Variants in HMBOX1 observed in about 807,000 individuals in gnomAD.
The protein encoded by HMBOX1 is homeobox-containing protein 1.
Under a neutral mutation model 54.5 loss-of-function variants are expected in HMBOX1, and 14 were observed. That is an observed-to-expected ratio of 0.26 (90% CI 0.17 to 0.40). HMBOX1 has a LOEUF of 0.40. HMBOX1 is among the 10% of genes least tolerant of loss of function. The pLI, the probability that HMBOX1 is intolerant of heterozygous loss-of-function variation, is 1.00. For synonymous variants in HMBOX1, 160 were observed against 181.0 expected (o/e 0.88, Z 0.93); for missense variants, 332 against 514.4 (o/e 0.65, Z 3.43).
chr8:28,914,943 A>G (rs1242671749), intron 1 of HMBOX1, among the ~76,000 whole-genome samples: 1 of 152,266 alleles, frequency 6.6e-6, no homozygotes, highest in East Asian at 1.9e-4. Flanking sequence ...CTATAGAAGT[A>G]CTTCTGGATT....
At chr8:28,908,275 G>A (rs1261285308) in intron 1 of HMBOX1, among the ~76,000 whole-genome samples, 2 of 152,026 alleles carry the variant, frequency 1.3e-5, no homozygotes, top group African/African-American at 4.8e-5. Context: ...TTGTTTTATA[G>A]GACCTTTCCT....
intron 5 of HMBOX1, among the ~76,000 whole-genome samples, chr8:29,015,558 A>C (rs745875566): frequency 6.6e-6 from 1 of 152,204 alleles, no homozygotes; most frequent in Non-Finnish European, 1.5e-5. Context: ...TTTTCAGAAA[A>C]GCACTATAAG....
At chr8:28,904,456 C>G (rs1161250322) in intron 1 of HMBOX1, among the ~76,000 whole-genome samples, 2 of 152,136 alleles carry the variant, frequency 1.3e-5, no homozygotes, top group African/African-American at 4.8e-5. Context: ...TGGTCTCCAT[C>G]TCTTGACCTT....
intron 3 of HMBOX1, among the ~76,000 whole-genome samples, chr8:28,976,949 T>TC (rs1381546357): frequency 6.6e-6 from 1 of 152,110 alleles, no homozygotes; most frequent in Non-Finnish European, 1.5e-5. Context: ...CCTCAAGTGA[T>TC]CCGCCCGCCT....
intron 6 of HMBOX1, among the ~76,000 whole-genome samples, chr8:29,019,530 T>C (rs1308810712): frequency 1.3e-5 from 2 of 152,198 alleles, no homozygotes; most frequent in African/African-American, 2.4e-5. Flanking sequence ...AGAATTATCT[T>C]TTTAGTCATC....
chr8:28,969,645 C>T (rs1827056350), intron 2 of HMBOX1, among the ~76,000 whole-genome samples: 1 of 151,882 alleles, frequency 6.6e-6, no homozygotes, highest in Admixed American at 6.6e-5. Context: ...AGTAATTTTC[C>T]ATTAATACTC....
At chr8:28,906,248 CCTT>C (rs1563361288) in intron 1 of HMBOX1, among the ~76,000 whole-genome samples, 1 of 152,094 alleles carries the variant, frequency 6.6e-6, no homozygotes, top group African/African-American at 2.4e-5. Flanking sequence ...AAATGTTAGC[CCTT>C]CTTTCCTGCA....
At chr8:28,945,064 TTATTTTTGTTACAAATAC>T (rs1822177190) in intron 1 of HMBOX1, among the ~76,000 whole-genome samples, 1 of 152,212 alleles carries the variant, frequency 6.6e-6, no homozygotes, top group South Asian at 2.1e-4. Flanking sequence ...TCCAATGTTG[TTATTTTTGTTACAAATAC>T]TATTTTGTGT....
At chr8:28,945,975 C>T (rs553732867) in intron 1 of HMBOX1, among the ~76,000 whole-genome samples, 26 of 139,592 alleles carry the variant, frequency 1.9e-4, no homozygotes, top group Admixed American at 9.7e-4. Flanking sequence ...TTTATTGAGA[C>T]GGAGTCTTGC....
chr8:28,955,443 G>A (rs1824247569), intron 1 of HMBOX1, among the ~76,000 whole-genome samples: 2 of 152,060 alleles, frequency 1.3e-5, no homozygotes, highest in African/African-American at 4.8e-5. Flanking sequence ...CACATATAAA[G>A]GGATATTTTG....
At chr8:28,924,649 C>T (rs1267859977) in intron 1 of HMBOX1, 1 of 151,916 alleles carries the variant, frequency 6.6e-6, no homozygotes, top group Non-Finnish European at 1.5e-5. Flanking sequence ...GAGTTTCGCT[C>T]TTGTCCATGC....
intron 1 of HMBOX1, among the ~76,000 whole-genome samples, chr8:28,906,617 T>C (rs1383491289): frequency 6.6e-6 from 1 of 152,080 alleles, no homozygotes; most frequent in East Asian, 1.9e-4. Flanking sequence ...TGAGACAGAG[T>C]CTCACTCTGT....
In HMBOX1 at chr8:28,899,730, T is replaced by A. The variant is rs192762086; in HGVS notation, c.-58+9052T>A. On this transcript the variant is annotated intron_variant, in intron 1 of 9. Coordinates refer to ENST00000287701, the MANE Select transcript of HMBOX1 (RefSeq NM_001135726.3). Reference sequence around the variant, plus strand: ...TTTATATGGACTTCAGAGCTAAAATTTCCATATCCAAGTCTTTATTATATT... The same window carrying A: ...TTTATATGGACTTCAGAGCTAAAATATCCATATCCAAGTCTTTATTATATT... Among the ~76,000 whole-genome samples the A allele has an allele frequency of 3.2e-3, 491 of 152,270 alleles. 3 individuals carry two copies. The highest frequency in any genetic ancestry group is 0.011 in the African/African-American group (466 of 41,538).
At chr8:28,920,904 C>G (rs1817446895) in intron 1 of HMBOX1, among the ~76,000 whole-genome samples, 2 of 152,122 alleles carry the variant, frequency 1.3e-5, no homozygotes, top group Admixed American at 1.3e-4. Flanking sequence ...ATAACATACT[C>G]TAACATAAAC....
chr8:28,955,943 A>T (rs1465352541), intron 1 of HMBOX1: 1 of 118,000 alleles, frequency 8.5e-6, no homozygotes. Flanking sequence ...ACAGAGTGAG[A>T]CTCTGTCTAG....
intron 5 of HMBOX1, among the ~76,000 whole-genome samples, chr8:29,012,357 A>G (rs1419646706): frequency 6.6e-6 from 1 of 152,324 alleles, no homozygotes; most frequent in South Asian, 2.1e-4. Flanking sequence ...ATCCACCCAG[A>G]TGTCCCTCAG....
intron 1 of HMBOX1, among the ~76,000 whole-genome samples, chr8:28,947,018 A>T (rs1202529199): frequency 6.6e-6 from 1 of 152,172 alleles, no homozygotes; most frequent in East Asian, 1.9e-4. Context: ...TTTGGAGTAG[A>T]ATACATTATC....
At position 29,009,127 on chromosome 8, in the gene HMBOX1, T is replaced by C; in HGVS notation, c.642T>C (p.Ser214=). The change falls in exon 5 of 10, where the codon AGT becomes AGC. Residue 214 remains serine (S), a synonymous_variant. Transcript: ENST00000287701. ...TGTTGCAGCAGGGATCAGACCTGAG[T>C]GAACAGAAGAAAAGAGCATTTTACC... is the stretch of plus-strand genomic sequence containing the variant. ...HWLLQQGSDL[S]EQKKRAFYRW... 2 of 1,613,640 alleles carry C rather than the reference T, an allele frequency of 1.2e-6. No individual in the cohort carries two copies. Among genetic ancestry groups the C allele is most frequent in the Non-Finnish European group, 1.7e-6 (2 of 1,179,606 alleles).
intron 1 of HMBOX1, among the ~76,000 whole-genome samples, chr8:28,933,723 A>G (rs1819896809): frequency 6.6e-6 from 1 of 152,212 alleles, no homozygotes; most frequent in African/African-American, 2.4e-5. Context: ...TTCTTGATGG[A>G]CACAAATTAT....
Sources: gnomAD v4.1 joint callset for allele counts (sites outside exome capture counted in the v4.1 genomes callset) on GRCh38, gnomAD v4.1.1 for gene constraint, MANE v1.5 for transcripts, NCBI Gene and HGNC (gene_info 2026-07-23, HGNC 2026-07-21) for gene names.